PTPRN2: variants seen among roughly 807,000 people sequenced by gnomAD.
PTPRN2 encodes protein tyrosine phosphatase receptor type N2, also known as receptor-type tyrosine-protein phosphatase N2.
PTPRN2 carries 74 observed loss-of-function variants against 118.8 expected under a neutral mutation model. The ratio of observed to expected loss-of-function variants is 0.62; its 90% CI spans 0.52 to 0.76. PTPRN2 has a LOEUF of 0.76. Among genes scored for constraint, PTPRN2 ranks in the 30% least tolerant of loss-of-function variants. PTPRN2 has a pLI of 0.00. For missense variants in PTPRN2, 1,481 were observed against 1,394.4 expected (o/e 1.06, Z -0.99); for synonymous variants, 641 against 608.0 (o/e 1.05, Z -0.80).
chr7:158,150,397 G>C (rs1318236470), intron 6 of PTPRN2, among the ~76,000 whole-genome samples: 3 of 152,210 alleles, frequency 2.0e-5, no homozygotes, highest in Non-Finnish European at 4.4e-5. Flanking sequence ...ATGCAGGGCT[G>C]AGATGTCCAC....
At chr7:158,337,327 A>G (rs1209215283) in intron 2 of PTPRN2, among the ~76,000 whole-genome samples, 1 of 149,950 alleles carries the variant, frequency 6.7e-6, no homozygotes, top group African/African-American at 2.5e-5. Context: ...TCACACCCAC[A>G]CTGTCACCCT....
In PTPRN2 at chr7:158,171,023, A is replaced by G. The variant is rs1036190230; in HGVS notation, c.550-3732T>C. Among the ~76,000 whole-genome samples, 64 of 146,376 alleles carry G rather than the reference A, an allele frequency of 4.4e-4. 1 individual carries two copies. Among genetic ancestry groups the G allele is most frequent in the Non-Finnish European group, 8.0e-4 (54 of 67,246 alleles). ...CATATATATATACACATACATATATATACACATATATATACACATACATAT... is the reference window on the plus strand; with the variant it reads ...CATATATATATACACATACATATATGTACACATATATATACACATACATAT... On this transcript the variant is annotated intron_variant, in intron 5 of 22. Coordinates refer to ENST00000389418, the MANE Select transcript of PTPRN2 (RefSeq NM_002847.5).
rs533773026 is a variant in PTPRN2, at chr7:158,555,245, C to T, written c.112+32313G>A. 6.6e-6 allele frequency among the ~76,000 whole-genome samples: 1 copy of T among 152,238 alleles called. No individual in the cohort carries two copies. Among genetic ancestry groups the T allele is most frequent in the African/African-American group, 2.4e-5 (1 of 41,460 alleles). ...AGTTTTCCATCTTCAGCAGCTCTTACGACTGCAAGATCCCACAGCTGCCTT... is the reference window on the plus strand; with the variant it reads ...AGTTTTCCATCTTCAGCAGCTCTTATGACTGCAAGATCCCACAGCTGCCTT... On this transcript the variant is annotated intron_variant, in intron 1 of 22. Coordinates refer to ENST00000389418, the MANE Select transcript of PTPRN2 (RefSeq NM_002847.5). This position sits in a 1 kb window ranked among gnomAD's most constrained non-coding sequence, Gnocchi z 4.7.
intron 11 of PTPRN2, among the ~76,000 whole-genome samples, chr7:158,076,477 T>C (rs1015125400): frequency 6.6e-6 from 1 of 152,030 alleles, no homozygotes; most frequent in African/African-American, 2.4e-5. Flanking sequence ...CCCCTCCCCC[T>C]CCCCCGGGGC....
chr7:158,150,272 G>A (rs915181874), intron 6 of PTPRN2, among the ~76,000 whole-genome samples: 1 of 152,196 alleles, frequency 6.6e-6, no homozygotes, highest in Non-Finnish European at 1.5e-5. Flanking sequence ...TAAACAAGTT[G>A]AATCCAGGCT....
intron 11 of PTPRN2, among the ~76,000 whole-genome samples, chr7:157,949,708 C>T (rs144969734): frequency 4.4e-4 from 67 of 152,334 alleles, no homozygotes; most frequent in Non-Finnish European, 6.6e-4. Flanking sequence ...ACTATCTAGA[C>T]GGGACTCTCC....
chr7:158,463,087 G>A (rs1374364788), intron 2 of PTPRN2, among the ~76,000 whole-genome samples: 2 of 138,346 alleles, frequency 1.4e-5, no homozygotes, highest in Admixed American at 1.5e-4. Flanking sequence ...AGCCCCAGAT[G>A]GGAGATGCCG....
At chr7:158,280,647 G>A (rs573538623) in intron 3 of PTPRN2, among the ~76,000 whole-genome samples, 4 of 152,338 alleles carry the variant, frequency 2.6e-5, no homozygotes, top group South Asian at 2.1e-4. Context: ...GGACGGGTGC[G>A]GCCCGACACT....
At chr7:158,153,317 G>T (rs1821383037) in intron 6 of PTPRN2, among the ~76,000 whole-genome samples, 1 of 152,220 alleles carries the variant, frequency 6.6e-6, no homozygotes, top group Non-Finnish European at 1.5e-5. Flanking sequence ...CAAGAACCCA[G>T]CATTCAGAAA....
chr7:158,319,504 T>G (rs1802678668), intron 2 of PTPRN2, among the ~76,000 whole-genome samples: 1 of 31,482 alleles, frequency 3.2e-5, no homozygotes, highest in Non-Finnish European at 5.6e-5. Flanking sequence ...TCACACAGCC[T>G]CCCCCCACAC....
intron 1 of PTPRN2, chr7:158,539,792 C>T (rs1020768219): frequency 2.8e-5 from 7 of 245,894 alleles, no homozygotes; most frequent in Admixed American, 1.2e-4. Context: ...GAGCTGGTGA[C>T]GGCTGGGGAC....
chr7:158,101,832 C>T (rs1422595953), intron 10 of PTPRN2, among the ~76,000 whole-genome samples: 2 of 152,184 alleles, frequency 1.3e-5, no homozygotes, highest in Non-Finnish European at 2.9e-5. Context: ...GCCATGTGGC[C>T]AACCACTCCT....
Position 158,097,940 on chromosome 7 carries a change from C to G in PTPRN2, c.1643+12889G>C, listed in dbSNP as rs148679227. Among the ~76,000 whole-genome samples the G allele has an allele frequency of 6.0e-3, 919 of 152,312 alleles. 14 individuals are homozygous for G. The highest frequency in any genetic ancestry group is 0.021 in the African/African-American group (856 of 41,560). The stretch of plus-strand genomic sequence containing the variant: ...CTTTCCCGGAACAATGAGCAGCTCC[C>G]AGAACATGCTCTGACAGGCAGCACC... On this transcript the variant is annotated intron_variant, in intron 10 of 22. Transcript: ENST00000389418.
chr7:158,253,214 A>G (rs938898885), intron 3 of PTPRN2, among the ~76,000 whole-genome samples: 1 of 152,204 alleles, frequency 6.6e-6, no homozygotes, highest in Non-Finnish European at 1.5e-5. Context: ...CTCATTTTCC[A>G]GGCGACTGAG....
chr7:157,806,661 C>T (rs568258044), intron 12 of PTPRN2, among the ~76,000 whole-genome samples: 8 of 152,306 alleles, frequency 5.3e-5, no homozygotes, highest in African/African-American at 1.7e-4. Context: ...TGTACATCTT[C>T]TGTCTCTGCA....
intron 11 of PTPRN2, among the ~76,000 whole-genome samples, chr7:158,001,339 C>A (rs1805243391): frequency 1.2e-5 from 1 of 82,498 alleles, no homozygotes; most frequent in African/African-American, 3.6e-5. Flanking sequence ...CAGAGGGGAC[C>A]ACACTCCACA....
chr7:157,652,396 A>C (rs1278453366), intron 14 of PTPRN2, among the ~76,000 whole-genome samples: 1 of 152,200 alleles, frequency 6.6e-6, no homozygotes, highest in Non-Finnish European at 1.5e-5. Context: ...ACAGGGGAGA[A>C]GAAGGTTGGA....
chr7:158,196,169 T>C (rs991184881), intron 4 of PTPRN2, among the ~76,000 whole-genome samples: 1 of 152,214 alleles, frequency 6.6e-6, no homozygotes, highest in African/African-American at 2.4e-5. Flanking sequence ...TTTGGATGGT[T>C]CTTTTCCCTC....
At chr7:158,420,383 G>A (rs1815151527) in intron 2 of PTPRN2, among the ~76,000 whole-genome samples, 1 of 152,162 alleles carries the variant, frequency 6.6e-6, no homozygotes, top group Non-Finnish European at 1.5e-5. Flanking sequence ...AGCCACATTT[G>A]GCTCCTTTCA....
Sources: gnomAD v4.1 joint callset for allele counts (sites outside exome capture counted in the v4.1 genomes callset) on GRCh38, gnomAD v4.1.1 for gene constraint, Gnocchi (gnomAD v3.1) non-coding constraint, MANE v1.5 for transcripts, NCBI Gene and HGNC (gene_info 2026-07-23, HGNC 2026-07-21) for gene names.